HUWE1: variants seen among roughly 807,000 people sequenced by gnomAD.
HUWE1 encodes the protein HECT, UBA and WWE domain containing E3 ubiquitin protein ligase 1, also known as E3 ubiquitin-protein ligase HUWE1.
HUWE1 carries 18 observed loss-of-function variants against 299.4 expected under a neutral mutation model. The ratio of observed to expected loss-of-function variants is 0.06; its 90% CI spans 0.04 to 0.09. The LOEUF is 0.09. Among genes scored for constraint, HUWE1 ranks in the 10% least tolerant of loss-of-function variants. The pLI is 1.00. For synonymous variants in HUWE1, 1,317 were observed against 1,286.1 expected (o/e 1.02, Z -0.51); for missense variants, 1,832 against 3,462.3 (o/e 0.53, Z 11.82).
chrX:53,637,629 T>G (rs2067299857), intron 7 of HUWE1, among the ~76,000 whole-genome samples: 1 of 112,545 alleles, frequency 8.9e-6, no homozygotes, highest in Admixed American at 9.4e-5. Context: ...CACCTTTAAT[T>G]AGAAAGTTTT....
At chrX:53,612,062 G>T (rs1032685384) in intron 23 of HUWE1, among the ~76,000 whole-genome samples, 1 of 111,222 alleles carries the variant, frequency 9.0e-6, no homozygotes, top group African/African-American at 3.3e-5. Flanking sequence ...CATATTGTGA[G>T]AAAGTACACA....
In HUWE1 at chrX:53,608,751, A is replaced by G. The variant is rs2065281161; in HGVS notation, c.2319+101T>C. 18 of 595,895 alleles carry G rather than the reference A, an allele frequency of 3.0e-5. No homozygotes were observed. The East Asian group carries it at 4.2e-4, about 14-fold the overall frequency. 49.1% of individuals were successfully genotyped at this position (595,895 alleles called of 1,213,427 possible). ...TCTTTCCCCTCTTAATTGGATTCCA[A>G]TTAAAATGAATACGGTAATTACTGG... On this transcript the variant is annotated intron_variant, in intron 24 of 83. Transcript: ENST00000262854.
intron 60 of HUWE1, chrX:53,556,439 C>T: frequency 3.2e-6 from 1 of 315,848 alleles, no homozygotes; most frequent in Admixed American, 4.3e-5. Flanking sequence ...TACCCTACTT[C>T]ACTGCTTTAA....
At chrX:53,635,520 G>A (rs2067151994) in intron 7 of HUWE1, among the ~76,000 whole-genome samples, 1 of 111,395 alleles carries the variant, frequency 9.0e-6, no homozygotes, top group African/African-American at 3.3e-5. Context: ...GCCTTGCCAT[G>A]TTGCCCAGGC....
rs1407212336 is a variant in HUWE1 at position 53,560,445 on chromosome X, T to C, written c.7508-29A>G. 5 of 1,155,980 alleles carry C rather than the reference T, an allele frequency of 4.3e-6. No individual in the cohort carries two copies. In the African/African-American group the frequency reaches 8.9e-5, roughly 21 times the overall value. On this transcript the variant is annotated intron_variant, in intron 55 of 83. Coordinates refer to ENST00000262854, the MANE Select transcript of HUWE1 (RefSeq NM_031407.7). The stretch of plus-strand genomic sequence containing the variant: ...CAAGGACAATATGTAAAAGGGTCAG[T>C]GTCAAAAAGAAATTTCTTCCATGTT...
chrX:53,602,569 C>G lies in HUWE1; in HGVS notation c.2966G>C (p.Arg989Thr). 8.6e-7 allele frequency: 1 copy of G among 1,156,159 alleles called. No individual in the cohort carries two copies. Among genetic ancestry groups the G allele is most frequent in the Non-Finnish European group, 1.2e-6 (1 of 845,972 alleles). The part of the protein sequence containing the change: ...EKAGTTQGGK[R>T]SDGEQDGAAG... ...TTTTAGTTTCTTAGAGTTACCTGAT[C>G]TTTTTCCGCCCTGGGTCGTACCTGC... The change falls in exon 28 of 84, where the codon AGA becomes ACA. Residue 989 changes from arginine to threonine, a missense_variant. By Grantham distance (71) the Arg-to-Thr change is moderately conservative. Coordinates refer to ENST00000262854, the MANE Select transcript of HUWE1 (RefSeq NM_031407.7).
In HUWE1 at chrX:53,628,651, A is replaced by C. The variant is rs782394055; in HGVS notation, c.1115-31T>G. 8 of 1,195,731 alleles carry C rather than the reference A, an allele frequency of 6.7e-6. No individual in the cohort carries two copies. The African/African-American group carries it at 1.4e-4, about 21-fold the overall frequency. ...AGGGAGGTGGGGAGAGGGAGAACAA[A>C]AACAAGCTCAAAATTGCTGTTAAGC... On this transcript the variant is annotated intron_variant, in intron 14 of 83. Coordinates refer to ENST00000262854, the MANE Select transcript of HUWE1 (RefSeq NM_031407.7).
intron 12 of HUWE1, 27 bp from the exon 13 acceptor site, chrX:53,629,643 G>C: frequency 9.9e-7 from 1 of 1,009,072 alleles, no homozygotes; most frequent in Non-Finnish European, 1.4e-6. Flanking sequence ...AAACACTTTA[G>C]GCAAGAAGGC....
At chrX:53,669,279 T>G (rs1275461652) in intron 3 of HUWE1, among the ~76,000 whole-genome samples, 1 of 112,309 alleles carries the variant, frequency 8.9e-6, no homozygotes, top group Non-Finnish European at 1.9e-5. Context: ...AATGGCTGTC[T>G]GAGTAAATTT....
chrX:53,620,735 A>G (rs1219540461), intron 19 of HUWE1, among the ~76,000 whole-genome samples: 8 of 111,885 alleles, frequency 7.2e-5, no homozygotes, highest in Non-Finnish European at 1.3e-4. Flanking sequence ...TCAAAATGAG[A>G]TACTTTCCAT....
At chrX:53,545,852 C>G in intron 70 of HUWE1, among the ~76,000 whole-genome samples, 1 of 111,106 alleles carries the variant, frequency 9.0e-6, no homozygotes, top group East Asian at 2.8e-4. Flanking sequence ...GAGGGTGGGA[C>G]AGGGTAGACA....
At position 53,544,727 on chromosome X, in the gene HUWE1, G is replaced by T; in HGVS notation, c.11084C>A (p.Ser3695Tyr). The change falls in exon 72 of 84, where the codon TCT (serine) becomes TAT (tyrosine). Residue 3695 changes from serine to tyrosine, a missense_variant. Around this residue, in one of 15 missense-constraint regions of HUWE1, gnomAD observed 41 missense variants for 124.0 expected, o/e 0.33. Transcript: ENST00000262854. The stretch of plus-strand genomic sequence containing the variant: ...CCGGCCACCCAAAGGTCGCTTCTGA[G>T]ATGCCACAATTACCACATTCTCAGC... ...DMAENVVIVA[S>Y]QKRPLGGREL... 8.3e-7 allele frequency: 1 copy of T among 1,208,492 alleles called. No homozygotes were observed. The highest frequency in any genetic ancestry group is 1.1e-6 in the Non-Finnish European group (1 of 894,456).
Position 53,543,964 on chromosome X carries a change from G to A in HUWE1, c.11256C>T (p.Ser3752=), listed in dbSNP as rs2061449926. ...TGCTGCTAGCTGAGCCTAAACCGGA[G>A]GAACCTGGGAGAAAGAGAAAGAGGA... ...KKAKQTGRLG[S]SGLGSASSIQ... is the part of the protein sequence containing the mutation. The change falls in exon 73 of 84, where the codon TCC becomes TCT. Residue 3752 remains serine, a synonymous_variant. Transcript: ENST00000262854. 2.5e-6 allele frequency: 3 copies of A among 1,201,182 alleles called. No individual in the cohort carries two copies. The highest frequency in any genetic ancestry group is 3.4e-6 in the Non-Finnish European group (3 of 888,946).
chrX:53,668,116 G>A (rs998044436), intron 3 of HUWE1, among the ~76,000 whole-genome samples: 2 of 110,424 alleles, frequency 1.8e-5, no homozygotes, highest in African/African-American at 3.3e-5. Flanking sequence ...TCATGTCCTT[G>A]GGTTTGCAGA....
At chrX:53,543,147 T>C (rs1458486069) in intron 73 of HUWE1, among the ~76,000 whole-genome samples, 1 of 110,942 alleles carries the variant, frequency 9.0e-6, no homozygotes, top group Non-Finnish European at 1.9e-5. Flanking sequence ...AAAACCATAC[T>C]GTATAATAGT....
chrX:53,654,553 C>T (rs1208781873), intron 3 of HUWE1, among the ~76,000 whole-genome samples: 1 of 111,624 alleles, frequency 9.0e-6, no homozygotes, highest in Admixed American at 9.5e-5. Flanking sequence ...TATTTAACCA[C>T]AAGAATCCAT....
chrX:53,551,839 T>G (rs2061779416), intron 63 of HUWE1, among the ~76,000 whole-genome samples: 1 of 111,215 alleles, frequency 9.0e-6, no homozygotes, highest in African/African-American at 3.3e-5. Context: ...GTGCCTAATA[T>G]GTACTTGGAG....
At chrX:53,583,066 T>C (rs1335516096) in intron 42 of HUWE1, among the ~76,000 whole-genome samples, 1 of 112,308 alleles carries the variant, frequency 8.9e-6, no homozygotes, top group Non-Finnish European at 1.9e-5. Context: ...TAATAACCTG[T>C]TTTCTGATCT....
At chrX:53,561,712 T>A in intron 55 of HUWE1, 44 bp downstream of exon 55, 1 of 1,209,361 alleles carries the variant, frequency 8.3e-7, no homozygotes, top group Non-Finnish European at 1.1e-6. Flanking sequence ...GAGAAGGGTA[T>A]AAGAATCAAG....
Sources: allele counts gnomAD v4.1 joint callset (sites outside exome capture counted in the v4.1 genomes callset), GRCh38; gene constraint gnomAD v4.1.1; regional missense constraint gnomAD v4.1.1; transcripts MANE v1.5; gene names NCBI Gene and HGNC (gene_info 2026-07-23, HGNC 2026-07-21).